The following MBTPS1 variants were observed in gnomAD, a reference collection of about 807,000 sequenced individuals.
MBTPS1 encodes membrane bound transcription factor peptidase, site 1.
MBTPS1 carries 94 observed loss-of-function variants against 127.8 expected under a neutral mutation model. The observed-to-expected ratio is 0.74, with a 90% CI of 0.62 to 0.87. The LOEUF (loss-of-function observed/expected upper bound fraction) is 0.87, where lower values mean the gene tolerates loss of function less well. Ranked by LOEUF, MBTPS1 falls within the 40% of genes least tolerant of loss-of-function variation. The probability of loss-of-function intolerance (pLI) is 0.00; values close to 1 mark genes in which losing one functional copy is unlikely to be tolerated. For missense variants in MBTPS1, 1,636 were observed against 1,353.2 expected (o/e 1.21, Z -3.28); for synonymous variants, 632 against 509.4 (o/e 1.24, Z -3.24).
intron 1 of MBTPS1, among the ~76,000 whole-genome samples, chr16:84,103,379 C>A (rs1219644739): frequency 6.6e-6 from 1 of 151,842 alleles, no homozygotes; most frequent in Non-Finnish European, 1.5e-5. Flanking sequence ...CAGCCTCAGC[C>A]TCCCGAGTAG....
rs2085483792 is a variant in MBTPS1, at chr16:84,054,346, G to C, written c.*103C>G. 2 of 1,063,538 alleles carry C rather than the reference G, an allele frequency of 1.9e-6. No homozygotes were observed. The highest frequency in any genetic ancestry group is 2.6e-6 in the Non-Finnish European group (2 of 764,016). 65.9% of individuals were successfully genotyped at this position (1,063,538 alleles called of 1,614,324 possible). A position where few individuals can be genotyped will look rare whatever the true frequency, so the allele number is the denominator to read the frequency against. ...ACAGACTCTAACAAACCTGCAGCTG[G>C]AAACTGGATCCCTTTTAAACCAGCC... On this transcript the variant is annotated 3_prime_UTR_variant, in exon 23 of 23. Transcript: ENST00000343411.
chr16:84,102,858 A>G (rs3785027), intron 1 of MBTPS1, among the ~76,000 whole-genome samples: 45,563 of 152,184 alleles, frequency 0.3, 7,952 homozygotes, highest in East Asian at 0.48. Context: ...CTATGAAAAG[A>G]GCATAAAAGG....
chr16:84,077,891 A>G (rs926243220), intron 11 of MBTPS1, among the ~76,000 whole-genome samples: 3 of 151,968 alleles, frequency 2.0e-5, no homozygotes, highest in Non-Finnish European at 4.4e-5. Flanking sequence ...GGGACCAAAA[A>G]CCCCATTGAA....
At chr16:84,083,480 G>T (rs2085972119) in intron 10 of MBTPS1, among the ~76,000 whole-genome samples, 1 of 151,208 alleles carries the variant, frequency 6.6e-6, no homozygotes, top group Non-Finnish European at 1.5e-5. Context: ...TGGTAGAGAT[G>T]AGGTCTCACT....
In MBTPS1 at chr16:84,099,145, T is replaced by C; in HGVS notation, c.329A>G (p.Gln110Arg). The change falls in exon 3 of 23, where the codon CAG (glutamine) becomes CGG (arginine). Residue 110 changes from glutamine to arginine, a missense_variant. Coordinates refer to ENST00000343411, the MANE Select transcript of MBTPS1 (RefSeq NM_003791.4). ...DFEVIQIKEK[Q>R]KAGLLTLEDH... is the part of the protein sequence containing the mutation. ...TTCAAGTGTTAGCAGCCCCGCTTTC[T>C]GTTTTTCTTTTATCTGAATCACCTC... The C allele has an allele frequency of 6.2e-7, 1 of 1,614,194 alleles. No individual in the cohort carries two copies. The highest frequency in any genetic ancestry group is 8.5e-7 in the Non-Finnish European group (1 of 1,180,036).
intron 2 of MBTPS1, 112 bp downstream of exon 2, chr16:84,101,507 AAG>A (rs1285749086): frequency 9.9e-7 from 1 of 1,011,562 alleles, no homozygotes; most frequent in Non-Finnish European, 1.4e-6. Flanking sequence ...AAAAAAAAGA[AAG>A]AAATTTACTG....
chr16:84,068,025 T>C (rs2085713226), intron 15 of MBTPS1, among the ~76,000 whole-genome samples: 1 of 152,236 alleles, frequency 6.6e-6, no homozygotes, highest in Non-Finnish European at 1.5e-5. Context: ...GTGATCTGAT[T>C]TCACTTGTGG....
At chr16:84,087,592 G>C (rs961496733) in intron 8 of MBTPS1, 132 bp from the exon 9 acceptor site, 8 of 626,110 alleles carry the variant, frequency 1.3e-5, no homozygotes, top group Non-Finnish European at 2.2e-5. Flanking sequence ...GCTTCTGTGG[G>C]AAGACGTGTG....
At chr16:84,094,400 A>G (rs2086151578) in intron 4 of MBTPS1, among the ~76,000 whole-genome samples, 1 of 152,142 alleles carries the variant, frequency 6.6e-6, no homozygotes, top group Non-Finnish European at 1.5e-5. Context: ...CCTAAGAAAA[A>G]TCACTGCAGT....
chr16:84,084,897 G>A, intron 10 of MBTPS1, 86 bp downstream of exon 10: 1 of 1,452,356 alleles, frequency 6.9e-7, no homozygotes, highest in Non-Finnish European at 9.4e-7. Context: ...AGACAGGGCA[G>A]AAGCAAGACA....
At position 84,066,545 on chromosome 16, in the gene MBTPS1, T is replaced by C. The variant is rs781255450; in HGVS notation, c.2297A>G (p.Asn766Ser). Residue 766 changes from asparagine to serine, a missense_variant, in exon 17 of 23, where the codon AAC (asparagine) becomes AGC (serine). Asn to Ser is a conservative substitution (Grantham distance 46). Coordinates refer to ENST00000343411, the MANE Select transcript of MBTPS1 (RefSeq NM_003791.4). ...ATACAGGCCATCGCTGAACCCCATG[T>C]TCCACACAGACAGCAGCTCATTCAG... ...PALNELLSVW[N>S]MGFSDGLYEG... 1.2e-6 allele frequency: 2 copies of C among 1,614,204 alleles called. No individual in the cohort carries two copies. The highest frequency in any genetic ancestry group is 1.3e-5 in the African/African-American group (1 of 75,062).
chr16:84,060,372 A>T (rs1253504959), intron 20 of MBTPS1: 2 of 245,290 alleles, frequency 8.2e-6, no homozygotes, highest in Non-Finnish European at 1.6e-5. Context: ...CTTCCTGAAG[A>T]TCTGTAGGAG....
chr16:84,093,162 G>T, intron 6 of MBTPS1, 26 bp downstream of exon 6: 1 of 1,430,684 alleles, frequency 7.0e-7, no homozygotes, highest in Non-Finnish European at 9.9e-7. Flanking sequence ...AATTCCTCAA[G>T]TTTCAGGAGT....
intron 2 of MBTPS1, among the ~76,000 whole-genome samples, chr16:84,100,570 A>T (rs2086240438): frequency 6.6e-6 from 1 of 151,724 alleles, no homozygotes; most frequent in Non-Finnish European, 1.5e-5. Flanking sequence ...AAAAACAAAA[A>T]TAAAAAAATT....
At chr16:84,067,395 C>G (rs1016167379) in intron 16 of MBTPS1, among the ~76,000 whole-genome samples, 1 of 152,186 alleles carries the variant, frequency 6.6e-6, no homozygotes, top group African/African-American at 2.4e-5. Context: ...CTCTGACACC[C>G]AGGCTGGAGT....
At chr16:84,113,644 AT>A (rs1362301188) in intron 1 of MBTPS1, among the ~76,000 whole-genome samples, 3 of 152,248 alleles carry the variant, frequency 2.0e-5, no homozygotes, top group Non-Finnish European at 2.9e-5. Context: ...CATAACTAAA[AT>A]ACATCTGAAA....
At chr16:84,072,682 C>T (rs371021366) in intron 12 of MBTPS1, among the ~76,000 whole-genome samples, 70 of 152,054 alleles carry the variant, frequency 4.6e-4, no homozygotes, top group African/African-American at 1.6e-3. Context: ...CCCAGCTACT[C>T]GGGAGGCTGA....
intron 1 of MBTPS1, among the ~76,000 whole-genome samples, chr16:84,105,569 G>T (rs375462150): frequency 6.6e-6 from 1 of 152,112 alleles, no homozygotes; most frequent in Non-Finnish European, 1.5e-5. Flanking sequence ...CATCCCAAGC[G>T]TGGCAACACT....
rs1346940862 is a variant in MBTPS1, at chr16:84,063,354, A to C, written c.2523T>G (p.Ile841Met). Residue 841 changes from isoleucine to methionine, a missense_variant, in exon 19 of 23, where the codon ATT (isoleucine) becomes ATG (methionine). Transcript: ENST00000343411. ...YQIPAEGGGR[I>M]VLYGDSNCLD... ...AGCAATTGGAGTCCCCATACAGTAC[A>C]ATCCGGCCTCCACCCTCAGCTGGAA... 3 of 1,614,042 alleles carry C rather than the reference A, an allele frequency of 1.9e-6. No homozygotes were observed. The highest frequency in any genetic ancestry group is 1.7e-5 in the Admixed American group (1 of 60,004).
Sources: allele counts gnomAD v4.1 joint callset (sites outside exome capture counted in the v4.1 genomes callset), GRCh38; gene constraint gnomAD v4.1.1; transcripts MANE v1.5; gene names NCBI Gene and HGNC (gene_info 2026-07-23, HGNC 2026-07-21).